SRCIN1: variants seen among roughly 807,000 people sequenced by gnomAD.
SRCIN1 encodes P130Cas-associated protein.
A neutral mutation model predicts 116.2 loss-of-function variants in SRCIN1; 50 were observed. The observed-to-expected ratio is 0.43, with a 90% CI of 0.34 to 0.54. The LOEUF (loss-of-function observed/expected upper bound fraction) is 0.54. SRCIN1 is among the 20% of genes least tolerant of loss of function. SRCIN1 has a pLI of 0.02. For missense variants in SRCIN1, 1,446 were observed against 1,672.0 expected, an observed-to-expected ratio of 0.86 and a Z score of 2.36; for synonymous variants, 736 against 750.0, an observed-to-expected ratio of 0.98 and a Z score of 0.30.
At chr17:38,582,908 A>T (rs1228640798) in intron 1 of SRCIN1, among the ~76,000 whole-genome samples, 1 of 151,818 alleles carries the variant, frequency 6.6e-6, no homozygotes. Context: ...TGTCCTTAGG[A>T]GAGGGAAGCC....
At chr17:38,601,264 G>C (rs1239473332) in intron 1 of SRCIN1, 1 of 152,310 alleles carries the variant, frequency 6.6e-6, no homozygotes, top group African/African-American at 2.4e-5. Flanking sequence ...TTCCACCAGG[G>C]TCTTGTCTTT....
Position 38,563,194 on chromosome 17 carries a change from G to A in SRCIN1, c.740+129C>T. The A allele has an allele frequency of 6.6e-6, 7 of 1,062,768 alleles. No homozygotes were observed. Among genetic ancestry groups the A allele is most frequent in the South Asian group, 2.9e-5 (2 of 68,356 alleles). The allele number at this position is 1,062,768 out of a possible 1,614,324, so 65.8% of individuals were successfully genotyped here. A position where few individuals can be genotyped will look rare whatever the true frequency, so the allele number is the denominator to read the frequency against. ...CCGAGGAAGGGGGCGGGGCGGTAGG[G>A]CTCTGGGAGGGGAGGGGAAAGGCTG... On this transcript the variant is annotated intron_variant, in intron 5 of 18. Transcript: ENST00000617146. This position sits in a 1 kb window ranked among gnomAD's most constrained non-coding sequence, Gnocchi z 5.8.
Position 38,568,888 on chromosome 17 carries a change from A to G in SRCIN1, c.325-657T>C, listed in dbSNP as rs1906889483. Among the ~76,000 whole-genome samples the G allele has an allele frequency of 7.3e-6, 1 of 137,120 alleles. No homozygotes were observed. The highest frequency in any genetic ancestry group is 2.4e-4 in the South Asian group (1 of 4,140). The allele number at this position is 137,120 out of a possible 152,430, so 90.0% of individuals were successfully genotyped here. On this transcript the variant is annotated intron_variant, in intron 2 of 18. Coordinates refer to ENST00000617146, the MANE Select transcript of SRCIN1 (RefSeq NM_025248.3). The surrounding 1 kb of genome is among the most constrained non-coding windows in gnomAD (Gnocchi z 4.5). Reference sequence around the variant, plus strand: ...TGGAGCAGAGTGGGATCAGAACTAGACCCCGGGGCAGAGGTGGATGGGGTG... The same window carrying G: ...TGGAGCAGAGTGGGATCAGAACTAGGCCCCGGGGCAGAGGTGGATGGGGTG...
chr17:38,533,108 A>C lies in SRCIN1; in HGVS notation c.*189T>G, dbSNP rs530217237. On this transcript the variant is annotated 3_prime_UTR_variant, in exon 19 of 19. Transcript: ENST00000617146. Reference sequence around the variant, plus strand: ...AAAGTTAATTGTTAAAAAAAAAAAAAAAAACAAAACCAAAAACACCAACAG... The same window carrying C: ...AAAGTTAATTGTTAAAAAAAAAAAACAAAACAAAACCAAAAACACCAACAG... 8.2e-4 allele frequency: 379 copies of C among 462,040 alleles called. 2 individuals are homozygous for C. The highest frequency in any genetic ancestry group is 4.1e-3 in the Admixed American group (88 of 21,718). The allele number at this position is 462,040 out of a possible 1,614,324, so 28.6% of individuals were successfully genotyped here.
Position 38,551,176 on chromosome 17 carries a change from G to T in SRCIN1, c.2941C>A (p.Pro981Thr). The part of the protein sequence containing the change: ...HGQKAAPRTE[P>T]SGRRGSDELT... ...ATACCTGAGCCCCTCCTCCCACTGG[G>T]CTCCGTTCGGGGGGCTGCCTTCTGG... The change falls in exon 15 of 19, where the codon CCC becomes ACC. Residue 981 changes from proline (P) to threonine (T), a missense_variant. By Grantham distance (38) the Pro-to-Thr change is conservative (BLOSUM62 -1). Coordinates refer to ENST00000617146, the MANE Select transcript of SRCIN1 (RefSeq NM_025248.3). 1 of 1,566,224 alleles carries T rather than the reference G, an allele frequency of 6.4e-7. No individual in the cohort carries two copies. The highest frequency in any genetic ancestry group is 8.7e-7 in the Non-Finnish European group (1 of 1,148,232).
chr17:38,554,200 G>A (rs1313467787), intron 11 of SRCIN1, among the ~76,000 whole-genome samples: 1 of 150,758 alleles, frequency 6.6e-6, no homozygotes, highest in African/African-American at 2.5e-5. Flanking sequence ...AACAGAGTGG[G>A]ACTCTGTCTC....
chr17:38,573,089 G>A (rs1907204300), intron 2 of SRCIN1, among the ~76,000 whole-genome samples: 1 of 152,192 alleles, frequency 6.6e-6, no homozygotes, highest in Admixed American at 6.5e-5. Context: ...GCCGGGGGAG[G>A]GGCTTTGGCT....
At chr17:38,598,475 G>A (rs543492132) in intron 1 of SRCIN1, among the ~76,000 whole-genome samples, 1 of 152,194 alleles carries the variant, frequency 6.6e-6, no homozygotes, top group Admixed American at 6.5e-5. Context: ...AGCAGAAACA[G>A]CTAGGCTCTT....
Position 38,604,605 on chromosome 17 carries a change from G to A in SRCIN1, c.22+1079C>T. 1 of 442,570 alleles carries A rather than the reference G, an allele frequency of 2.3e-6. No individual in the cohort carries two copies. 27.4% of individuals were successfully genotyped at this position (442,570 alleles called of 1,614,324 possible). ...CGGAGGCACTGCCAGGGCTGCATGG[G>A]GACGCGTGGGGCTGGGGGACGAGCA... On this transcript the variant is annotated intron_variant, in intron 1 of 18. Coordinates refer to ENST00000617146, the MANE Select transcript of SRCIN1 (RefSeq NM_025248.3). The surrounding 1 kb of genome is among the most constrained non-coding windows in gnomAD (Gnocchi z 4.3).
intron 18 of SRCIN1, among the ~76,000 whole-genome samples, chr17:38,538,431 A>T (rs187216264): frequency 0.053 from 7,327 of 138,370 alleles, 261 homozygotes; most frequent in African/African-American, 0.096. Flanking sequence ...AAAAAAAAAA[A>T]AATAATAATA....
chr17:38,553,913 G>A (rs1468055455), intron 11 of SRCIN1, among the ~76,000 whole-genome samples: 1 of 152,128 alleles, frequency 6.6e-6, no homozygotes, highest in East Asian at 1.9e-4. Flanking sequence ...CAAAAAATAG[G>A]GATGGTAAGA....
Position 38,578,769 on chromosome 17 carries a change from G to T in SRCIN1, c.45C>A (p.Pro15=), listed in dbSNP as rs1255437268. 7 of 1,513,470 alleles carry T rather than the reference G, an allele frequency of 4.6e-6. No homozygotes were observed. The highest frequency in any genetic ancestry group is 6.2e-6 in the Non-Finnish European group (7 of 1,134,302). 93.8% of individuals were successfully genotyped at this position (1,513,470 alleles called of 1,614,324 possible). ...ACTCCGCATCGTCCGCAGACAGCAT[G>T]GGGGGGCTGCTCCGCTCCGGATCTG... ...PSQDPERSSP[P]MLSADDAEYP... is the part of the protein sequence containing the mutation. Residue 15 remains proline, a synonymous_variant, in exon 2 of 19, where the codon CCC becomes CCA. Coordinates refer to ENST00000617146, the MANE Select transcript of SRCIN1 (RefSeq NM_025248.3).
chr17:38,549,021 G>T, intron 16 of SRCIN1, 35 bp downstream of exon 16: 1 of 1,610,616 alleles, frequency 6.2e-7, no homozygotes. Flanking sequence ...TCCTAACTCA[G>T]TCCCCTGGCC....
chr17:38,551,725 A>C (rs1313118224), intron 14 of SRCIN1, 161 bp downstream of exon 14: 19 of 1,158,520 alleles, frequency 1.6e-5, no homozygotes, highest in Non-Finnish European at 2.4e-5. Context: ...AGGAGGGCTA[A>C]TGTCACCCTC....
intron 11 of SRCIN1, among the ~76,000 whole-genome samples, chr17:38,555,538 G>C (rs1905729100): frequency 1.3e-5 from 2 of 152,076 alleles, no homozygotes; most frequent in Non-Finnish European, 2.9e-5. Context: ...TTTGTTATAG[G>C]AAGCTACCCT....
chr17:38,535,971 T>C (rs1348388452), intron 18 of SRCIN1, among the ~76,000 whole-genome samples: 1 of 152,184 alleles, frequency 6.6e-6, no homozygotes, highest in African/African-American at 2.4e-5. Context: ...CAAGTTTTGG[T>C]CTTGGGAACA....
chr17:38,581,149 G>A (rs981456910), intron 1 of SRCIN1, among the ~76,000 whole-genome samples: 1 of 151,928 alleles, frequency 6.6e-6, no homozygotes, highest in African/African-American at 2.4e-5. Context: ...ACTCATACCT[G>A]TAATCCCAGC....
In SRCIN1 at chr17:38,562,724, T is replaced by C. The variant is rs932832113; in HGVS notation, c.834+103A>G. 9.8e-7 allele frequency: 1 copy of C among 1,018,822 alleles called. No individual in the cohort carries two copies. Among genetic ancestry groups the C allele is most frequent in the African/African-American group, 1.6e-5 (1 of 61,378 alleles). The allele number at this position is 1,018,822 out of a possible 1,614,324, so 63.1% of individuals were successfully genotyped here. The stretch of plus-strand genomic sequence containing the variant: ...TAACCCCTCAGCCCCTATGCTGTCT[T>C]CTCCAAAGCTGGCCCTGGTTCCAGA... On this transcript the variant is annotated intron_variant, in intron 6 of 18. Coordinates refer to ENST00000617146, the MANE Select transcript of SRCIN1 (RefSeq NM_025248.3). This position sits in a 1 kb window ranked among gnomAD's most constrained non-coding sequence, Gnocchi z 4.2.
chr17:38,586,939 T>C (rs1042489503), intron 1 of SRCIN1, among the ~76,000 whole-genome samples: 2 of 151,256 alleles, frequency 1.3e-5, no homozygotes, highest in Admixed American at 1.3e-4. Flanking sequence ...CTGGTGGAGC[T>C]GCTGGGGCTT....
Sources: gnomAD v4.1 joint callset for allele counts (sites outside exome capture counted in the v4.1 genomes callset) on GRCh38, gnomAD v4.1.1 for gene constraint, Gnocchi (gnomAD v3.1) non-coding constraint, MANE v1.5 for transcripts, NCBI Gene and HGNC (gene_info 2026-07-23, HGNC 2026-07-21) for gene names.